Variants in NOX3 observed in about 807,000 individuals in gnomAD.
NOX3 encodes the protein NADPH oxidase 3.
A neutral mutation model predicts 76.7 loss-of-function variants in NOX3; 74 were observed. The observed-to-expected ratio is 0.96, with a 90% CI of 0.80 to 1.17. The LOEUF (loss-of-function observed/expected upper bound fraction) is 1.17, where lower values mean the gene tolerates loss of function less well. Ranked by LOEUF, NOX3 falls within the 50% of genes most tolerant of loss-of-function variation. NOX3 has a pLI of 0.00. For synonymous variants in NOX3, 263 were observed against 261.1 expected (o/e 1.01, Z -0.07); for missense variants, 695 against 703.3 (o/e 0.99, Z 0.13).
At chr6:155,397,473 C>T (rs114707255) in intron 12 of NOX3, among the ~76,000 whole-genome samples, 3,497 of 152,276 alleles carry the variant, frequency 0.023, 80 homozygotes, top group African/African-American at 0.058. Flanking sequence ...TTCCTGAGAA[C>T]ATAAACCTGG....
chr6:155,455,749 T>G lies in NOX3; in HGVS notation c.48+4A>C. 1 of 1,609,228 alleles carries G rather than the reference T, an allele frequency of 6.2e-7. No homozygotes were observed. The highest frequency in any genetic ancestry group is 8.5e-7 in the Non-Finnish European group (1 of 1,175,668). ...TAAAGTTGAATAACAAAAATGATACTTACTACTAATATGGTGGAGAGACCC... is the reference window on the plus strand; with the variant it reads ...TAAAGTTGAATAACAAAAATGATACGTACTACTAATATGGTGGAGAGACCC... On this transcript the variant is annotated splice_donor_region_variant and intron_variant, in intron 1 of 13. Coordinates refer to ENST00000159060, the MANE Select transcript of NOX3 (RefSeq NM_015718.3).
At chr6:155,409,532 G>A (rs771257834) in intron 11 of NOX3, among the ~76,000 whole-genome samples, 5 of 152,170 alleles carry the variant, frequency 3.3e-5, no homozygotes, top group Non-Finnish European at 7.3e-5. Flanking sequence ...TCAGCCCAAT[G>A]TTCAATTAGT....
At chr6:155,436,787 A>T (rs776386350) in intron 6 of NOX3, among the ~76,000 whole-genome samples, 3 of 152,214 alleles carry the variant, frequency 2.0e-5, no homozygotes, top group Non-Finnish European at 4.4e-5. Flanking sequence ...CCTGTGTTAA[A>T]TTGAAAGTGT....
chr6:155,433,892 G>A (rs943286845), intron 7 of NOX3, among the ~76,000 whole-genome samples: 1 of 152,144 alleles, frequency 6.6e-6, no homozygotes, highest in African/African-American at 2.4e-5. Flanking sequence ...AAAATACTCC[G>A]TGGCTTCTTG....
At chr6:155,453,330 G>T in intron 4 of NOX3, 74 bp downstream of exon 4, 1 of 1,140,194 alleles carries the variant, frequency 8.8e-7, no homozygotes, top group Non-Finnish European at 1.3e-6. Flanking sequence ...CTTGGGGAAG[G>T]CAGAGTTAAA....
At chr6:155,420,072 G>A (rs1776670283) in intron 10 of NOX3, among the ~76,000 whole-genome samples, 1 of 152,016 alleles carries the variant, frequency 6.6e-6, no homozygotes. Context: ...TATGTTCAAG[G>A]AACTCACAGT....
chr6:155,410,855 C>G (rs1776540004), intron 11 of NOX3, among the ~76,000 whole-genome samples: 1 of 152,184 alleles, frequency 6.6e-6, no homozygotes, highest in African/African-American at 2.4e-5. Flanking sequence ...GGCACAGAAA[C>G]AGAACCAGTC....
intron 9 of NOX3, 98 bp from the exon 10 acceptor site, chr6:155,422,954 G>T: frequency 1.6e-6 from 2 of 1,225,460 alleles, no homozygotes; most frequent in Non-Finnish European, 1.2e-6. Flanking sequence ...GGACGTGTTT[G>T]CCAGTGCATG....
chr6:155,410,321 G>A lies in NOX3; in HGVS notation c.1455+893C>T, dbSNP rs542351815. Among the ~76,000 whole-genome samples, 18 of 151,642 alleles carry A rather than the reference G, an allele frequency of 1.2e-4. No individual in the cohort carries two copies. The South Asian group carries it at 2.3e-3, about 19-fold the overall frequency. ...AGTGTGTGTGTGTGTGTGTGTGTGC[G>A]CACGCATGTGTGTGTATGTGTGATG... On this transcript the variant is annotated intron_variant, in intron 11 of 13. Transcript: ENST00000159060.
intron 5 of NOX3, among the ~76,000 whole-genome samples, chr6:155,442,093 T>C (rs1316325831): frequency 3.3e-5 from 5 of 151,976 alleles, no homozygotes; most frequent in African/African-American, 9.7e-5. Flanking sequence ...TGAAACCCCG[T>C]CTCTACTAAA....
In NOX3 at chr6:155,429,038, G is replaced by A. The variant is rs143399354; in HGVS notation, c.901C>T (p.His301Tyr). The A allele has an allele frequency of 4.3e-5, 68 of 1,594,450 alleles. No homozygotes were observed. The highest frequency in any genetic ancestry group is 5.4e-5 in the Non-Finnish European group (63 of 1,166,880). Residue 301 changes from histidine (H) to tyrosine (Y), a missense_variant, in exon 9 of 14, where the codon CAC becomes TAC. Transcript: ENST00000159060. ...QEVVITKVVS[H>Y]PSGVLELHMK... ...TGAAGTTCCAGGACTCCAGAGGGGT[G>A]GCTTACCACCTATGTGAGAGTGAGA...
At chr6:155,443,564 C>T (rs1224754602) in intron 4 of NOX3, 146 bp from the exon 5 acceptor site, 3 of 952,208 alleles carry the variant, frequency 3.2e-6, no homozygotes, top group Non-Finnish European at 4.5e-6. Context: ...ACATCTTTCC[C>T]AGTGCTTTGA....
chr6:155,416,494 A>C (rs1227671391), intron 10 of NOX3, among the ~76,000 whole-genome samples: 1 of 152,104 alleles, frequency 6.6e-6, no homozygotes. Flanking sequence ...CTAATGTGTA[A>C]AAGTTCTAGT....
At chr6:155,413,767 G>A (rs1381773190) in intron 10 of NOX3, among the ~76,000 whole-genome samples, 1 of 151,952 alleles carries the variant, frequency 6.6e-6, no homozygotes, top group Non-Finnish European at 1.5e-5. Context: ...TCTCAGAGTT[G>A]GCATTGGGCA....
intron 5 of NOX3, among the ~76,000 whole-genome samples, chr6:155,442,090 C>T (rs140043682): frequency 3.9e-5 from 6 of 152,190 alleles, no homozygotes; most frequent in Non-Finnish European, 7.4e-5. Context: ...CAGTGAAACC[C>T]CGTCTCTACT....
chr6:155,434,014 C>G (rs1776869120), intron 7 of NOX3, among the ~76,000 whole-genome samples: 3 of 152,168 alleles, frequency 2.0e-5, no homozygotes, highest in Admixed American at 2.0e-4. Context: ...AAACTTGTTT[C>G]CTTCACTTTC....
intron 12 of NOX3, among the ~76,000 whole-genome samples, chr6:155,405,230 C>A (rs887701615): frequency 6.6e-6 from 1 of 152,064 alleles, no homozygotes; most frequent in Non-Finnish European, 1.5e-5. Flanking sequence ...TCAGAGGTAC[C>A]TTAGTGGGCT....
chr6:155,399,475 G>T (rs1335383620), intron 12 of NOX3, among the ~76,000 whole-genome samples: 7 of 152,096 alleles, frequency 4.6e-5, no homozygotes, highest in Admixed American at 4.6e-4. Context: ...GGCCATATCC[G>T]CCGTGGTGAT....
At chr6:155,406,872 T>A (rs1357628250) in intron 12 of NOX3, among the ~76,000 whole-genome samples, 1 of 152,170 alleles carries the variant, frequency 6.6e-6, no homozygotes, top group Non-Finnish European at 1.5e-5. Context: ...CTTGAAAGCA[T>A]ATGTAGTTGA....
Sources: gnomAD v4.1 joint callset for allele counts (sites outside exome capture counted in the v4.1 genomes callset) on GRCh38, gnomAD v4.1.1 for gene constraint, MANE v1.5 for transcripts, NCBI Gene and HGNC (gene_info 2026-07-23, HGNC 2026-07-21) for gene names.